Variants in RBFOX1 observed in about 807,000 individuals in gnomAD.
The protein encoded by RBFOX1 is RNA binding fox-1 homolog 1.
A neutral mutation model predicts 57.7 loss-of-function variants in RBFOX1; 8 were observed. That is an observed-to-expected ratio of 0.14 (90% CI 0.08 to 0.25). RBFOX1 has a LOEUF of 0.25. Ranked by LOEUF, RBFOX1 falls within the 10% of genes least tolerant of loss-of-function variation. The pLI is 1.00. For missense variants in RBFOX1, 611 were observed against 548.5 expected (o/e 1.11, Z -1.14); for synonymous variants, 326 against 222.4 (o/e 1.47, Z -4.15).
chr16:6,792,874 C>A (rs942691242), intron 3 of RBFOX1, among the ~76,000 whole-genome samples: 1 of 151,778 alleles, frequency 6.6e-6, no homozygotes, highest in Non-Finnish European at 1.5e-5. Context: ...ACTAAAAATA[C>A]AAAAAATTAG....
At chr16:7,147,314 A>AT (rs920163214) in intron 4 of RBFOX1, among the ~76,000 whole-genome samples, 2 of 146,570 alleles carry the variant, frequency 1.4e-5, no homozygotes, top group Non-Finnish European at 1.5e-5. Context: ...CCTATTTTTA[A>AT]TTTTTTTTTC....
chr16:6,810,280 G>A (rs190874804), intron 3 of RBFOX1, among the ~76,000 whole-genome samples: 1 of 152,124 alleles, frequency 6.6e-6, no homozygotes, highest in East Asian at 1.9e-4. Flanking sequence ...ATTCAAATTG[G>A]TCTGTCACTG....
intron 2 of RBFOX1, among the ~76,000 whole-genome samples, chr16:6,603,141 G>A (rs2097876467): frequency 6.6e-6 from 1 of 152,158 alleles, no homozygotes; most frequent in African/African-American, 2.4e-5. Flanking sequence ...GTTCTTTACA[G>A]ATCTAAAGAG....
chr16:5,795,499 T>G (rs1244253273), intron 3 of RBFOX1, among the ~76,000 whole-genome samples: 2 of 152,046 alleles, frequency 1.3e-5, no homozygotes, highest in Non-Finnish European at 2.9e-5. Flanking sequence ...GATGGGGTAT[T>G]GCTATGGTTG....
intron 4 of RBFOX1, among the ~76,000 whole-genome samples, chr16:7,104,560 G>A (rs568966465): frequency 1.3e-5 from 2 of 152,128 alleles, no homozygotes; most frequent in Non-Finnish European, 2.9e-5. Context: ...TTATGATAAA[G>A]GTGGGCTGAA....
chr16:6,976,782 ATAT>A (rs1405930517), intron 3 of RBFOX1, among the ~76,000 whole-genome samples: 4 of 84,238 alleles, frequency 4.7e-5, no homozygotes, highest in Non-Finnish European at 5.0e-5. Context: ...ACATATCAAT[ATAT>A]TATATATATG....
chr16:6,718,105 G>C (rs895796638), intron 3 of RBFOX1, among the ~76,000 whole-genome samples: 2 of 152,154 alleles, frequency 1.3e-5, no homozygotes, highest in Non-Finnish European at 2.9e-5. Context: ...TTACCCATCT[G>C]GTGGGTATTT....
chr16:6,136,932 C>G (rs988394541), intron 1 of RBFOX1, among the ~76,000 whole-genome samples: 1 of 152,092 alleles, frequency 6.6e-6, no homozygotes, highest in Non-Finnish European at 1.5e-5. Flanking sequence ...AACAATTTAC[C>G]AAGCAGTGGA....
At chr16:5,652,988 G>T (rs2049289845) in intron 3 of RBFOX1, among the ~76,000 whole-genome samples, 1 of 152,100 alleles carries the variant, frequency 6.6e-6, no homozygotes, top group Non-Finnish European at 1.5e-5. Flanking sequence ...CTGCTGAGCT[G>T]CTGTGCAGAA....
rs371151712 is a variant in RBFOX1 at position 7,416,278 on chromosome 16, A to C, written c.28-101869A>C. The stretch of plus-strand genomic sequence containing the variant: ...TCTCCCTTTCTGTGTCTCTCAGACT[A>C]CTCTGTGCCCGGAATCCAGAGACTC... On this transcript the variant is annotated intron_variant, in intron 4 of 15. Transcript: ENST00000550418. Among the ~76,000 whole-genome samples the C allele has an allele frequency of 4.5e-4, 68 of 152,042 alleles. No homozygotes were observed. The Middle Eastern group carries it at 0.01, about 23-fold the overall frequency.
intron 3 of RBFOX1, among the ~76,000 whole-genome samples, chr16:6,674,074 A>AAGAGAAT (rs2098785257): frequency 2.0e-5 from 3 of 152,198 alleles, no homozygotes; most frequent in South Asian, 2.1e-4. Context: ...GAGATTCAGC[A>AAGAGAAT]CTCTCTTGGT....
chr16:5,769,088 A>G (rs1356039022), intron 3 of RBFOX1, among the ~76,000 whole-genome samples: 4 of 152,116 alleles, frequency 2.6e-5, no homozygotes, highest in Admixed American at 2.6e-4. Flanking sequence ...AAAAAAAAAG[A>G]GTCAATTAAA....
At chr16:6,255,399 T>C (rs2097654311) in intron 1 of RBFOX1, among the ~76,000 whole-genome samples, 1 of 151,666 alleles carries the variant, frequency 6.6e-6, no homozygotes, top group South Asian at 2.1e-4. Flanking sequence ...GGCCAAGAGG[T>C]GAAAGGGCAC....
Position 5,498,341 on chromosome 16 carries a change from A to G in RBFOX1, c.258+31087A>G, listed in dbSNP as rs138685238. Among the ~76,000 whole-genome samples the G allele has an allele frequency of 1.5e-4, 23 of 152,124 alleles. 1 individual carries two copies. Among genetic ancestry groups the G allele is most frequent in the Admixed American group, 1.4e-3 (22 of 15,270 alleles). On this transcript the variant is annotated intron_variant, in intron 2 of 2. Transcript: ENST00000585867. ...GTATTTTTAGTAGAGACAGGGTTTCACCATGTTGGCCAGGCTGGTCTCAAC... is the reference window on the plus strand; with the variant it reads ...GTATTTTTAGTAGAGACAGGGTTTCGCCATGTTGGCCAGGCTGGTCTCAAC...
chr16:6,167,292 C>T (rs535396202), intron 1 of RBFOX1, among the ~76,000 whole-genome samples: 32 of 152,144 alleles, frequency 2.1e-4, no homozygotes, highest in African/African-American at 7.5e-4. Context: ...CAAATTGCAC[C>T]TACCCTTTGA....
intron 3 of RBFOX1, among the ~76,000 whole-genome samples, chr16:6,856,205 C>G (rs568553843): frequency 4.2e-4 from 64 of 152,170 alleles, no homozygotes; most frequent in East Asian, 3.5e-3. Context: ...GAACCAGATA[C>G]TGTGCCAGCC....
chr16:6,589,409 A>G (rs760754161), intron 2 of RBFOX1, among the ~76,000 whole-genome samples: 13 of 152,152 alleles, frequency 8.5e-5, no homozygotes, highest in Non-Finnish European at 1.6e-4. Flanking sequence ...TTTGGTGGGT[A>G]GGGGGTCAGA....
At chr16:7,210,915 G>GA (rs907990419) in intron 4 of RBFOX1, among the ~76,000 whole-genome samples, 10 of 148,730 alleles carry the variant, frequency 6.7e-5, no homozygotes, top group Admixed American at 4.7e-4. Flanking sequence ...CACTATAAAA[G>GA]AAAAAAAAAT....
rs996067004 is a variant in RBFOX1 at position 7,580,111 on chromosome 16, T to A, written c.414+191T>A. On this transcript the variant is annotated intron_variant, in intron 6 of 15. Coordinates refer to ENST00000550418, the MANE Select transcript of RBFOX1 (RefSeq NM_018723.4). ...GTTTTAGCATGTATTTCTGTACATA[T>A]GCTCACCATGTATCTACTTTACCAA... is the stretch of plus-strand genomic sequence containing the variant. 3.3e-5 allele frequency among the ~76,000 whole-genome samples: 5 copies of A among 152,200 alleles called. No homozygotes were observed. In the East Asian group the frequency reaches 7.7e-4, roughly 23 times the overall value.
Sources: gnomAD v4.1 joint callset for allele counts (sites outside exome capture counted in the v4.1 genomes callset) on GRCh38, gnomAD v4.1.1 for gene constraint, MANE v1.5 for transcripts, NCBI Gene and HGNC (gene_info 2026-07-23, HGNC 2026-07-21) for gene names.